Variants in SIPA1L2 observed in about 807,000 individuals in gnomAD.
SIPA1L2 encodes signal induced proliferation associated 1 like 2, also known as signal-induced proliferation-associated 1-like protein 2.
A neutral mutation model predicts 163.9 loss-of-function variants in SIPA1L2; 56 were observed. That is an observed-to-expected ratio of 0.34 (90% CI 0.28 to 0.43). SIPA1L2 has a LOEUF of 0.43. SIPA1L2 is among the 20% of genes least tolerant of loss of function. The pLI, the probability that SIPA1L2 is intolerant of heterozygous loss-of-function variation, is 1.00. For synonymous variants in SIPA1L2, 877 were observed against 865.7 expected (o/e 1.01, Z -0.23); for missense variants, 1,974 against 2,193.5 (o/e 0.90, Z 2.00).
Position 232,514,527 on chromosome 1 carries a change from C to A in SIPA1L2, c.813G>T (p.Gly271=). Residue 271 remains glycine, a synonymous_variant, in exon 3 of 23, where the codon GGG becomes GGT. Transcript: ENST00000674635. The part of the protein sequence containing the change: ...LDYVDSALLM[G]RDRDKPFKRR... ...GTTTGAAAGGCTTGTCCCTGTCTCT[C>A]CCCATCAGGAGGGCACTGTCCACAT... The A allele has an allele frequency of 6.2e-7, 1 of 1,614,170 alleles. No individual in the cohort carries two copies. Among genetic ancestry groups the A allele is most frequent in the African/African-American group, 1.3e-5 (1 of 75,046 alleles).
At chr1:232,455,326 T>G (rs1279781739) in intron 10 of SIPA1L2, among the ~76,000 whole-genome samples, 1 of 152,204 alleles carries the variant, frequency 6.6e-6, no homozygotes, top group African/African-American at 2.4e-5. Context: ...ATATGTTCAC[T>G]GCAGCACTAT....
Position 232,404,365 on chromosome 1 carries a change from T to C in SIPA1L2, c.4763-187A>G, listed in dbSNP as rs533588975. On this transcript the variant is annotated intron_variant, in intron 19 of 22. Transcript: ENST00000674635. ...ACACATTTCATGTTTTCACTGTTGGTTGGAAGCGGGGCTGTAGGGTACAAC... is the reference window on the plus strand; with the variant it reads ...ACACATTTCATGTTTTCACTGTTGGCTGGAAGCGGGGCTGTAGGGTACAAC... Among the ~76,000 whole-genome samples, 9 of 152,126 alleles carry C rather than the reference T, an allele frequency of 5.9e-5. No homozygotes were observed. The South Asian group carries it at 1.9e-3, about 32-fold the overall frequency.
At chr1:232,621,814 C>T (rs79768149) in intron 1 of SIPA1L2, among the ~76,000 whole-genome samples, 5,122 of 152,036 alleles carry the variant, frequency 0.034, 112 homozygotes, top group Non-Finnish European at 0.039. Flanking sequence ...ACCGTAACCT[C>T]GAACGCCTGG....
intron 9 of SIPA1L2, among the ~76,000 whole-genome samples, chr1:232,462,998 G>A (rs768639607): frequency 3.3e-5 from 5 of 152,170 alleles, no homozygotes; most frequent in Non-Finnish European, 7.3e-5. Flanking sequence ...ATTATCACAC[G>A]AAAATTGTAG....
At chr1:232,573,533 G>A (rs540916896) in intron 2 of SIPA1L2, among the ~76,000 whole-genome samples, 5 of 152,334 alleles carry the variant, frequency 3.3e-5, no homozygotes, top group Admixed American at 2.0e-4. Flanking sequence ...GAGGACAAAT[G>A]TCCTGGGGGT....
intron 19 of SIPA1L2, among the ~76,000 whole-genome samples, chr1:232,405,237 C>G (rs1221205661): frequency 6.6e-6 from 1 of 152,250 alleles, no homozygotes; most frequent in Admixed American, 6.5e-5. Flanking sequence ...CACCCAGCTA[C>G]TGATTGCATT....
At chr1:232,410,402 C>CT (rs1660880360) in intron 19 of SIPA1L2, among the ~76,000 whole-genome samples, 1 of 152,060 alleles carries the variant, frequency 6.6e-6, no homozygotes, top group African/African-American at 2.4e-5. Context: ...AATGAATAAT[C>CT]TTTTCAATTT....
At chr1:232,500,056 C>T (rs1396506662) in intron 3 of SIPA1L2, among the ~76,000 whole-genome samples, 25 of 152,134 alleles carry the variant, frequency 1.6e-4, no homozygotes, top group Admixed American at 1.6e-3. Flanking sequence ...TGGCTCACTG[C>T]AAACTCCACC....
chr1:232,452,815 G>A (rs1055794216), intron 10 of SIPA1L2, among the ~76,000 whole-genome samples: 2 of 152,186 alleles, frequency 1.3e-5, no homozygotes, highest in Non-Finnish European at 2.9e-5. Flanking sequence ...GCTTAGAAAT[G>A]TGACAACCTC....
intron 2 of SIPA1L2, among the ~76,000 whole-genome samples, chr1:232,536,270 C>T (rs1657300065): frequency 6.6e-6 from 1 of 152,182 alleles, no homozygotes; most frequent in Non-Finnish European, 1.5e-5. Context: ...GGCAATGCAG[C>T]CTCATCTCAG....
At chr1:232,519,051 A>G (rs1363583428) in intron 2 of SIPA1L2, among the ~76,000 whole-genome samples, 1 of 152,122 alleles carries the variant, frequency 6.6e-6, no homozygotes, top group African/African-American at 2.4e-5. Context: ...GGTTGTTAAC[A>G]CTTTGCAGGA....
intron 10 of SIPA1L2, among the ~76,000 whole-genome samples, chr1:232,446,335 C>T (rs1174599585): frequency 6.6e-6 from 1 of 152,162 alleles, no homozygotes; most frequent in Non-Finnish European, 1.5e-5. Context: ...GGCCTCTGGT[C>T]CTCACATCCA....
chr1:232,446,984 CTT>C (rs1264570436), intron 10 of SIPA1L2, among the ~76,000 whole-genome samples: 1 of 152,188 alleles, frequency 6.6e-6, no homozygotes, highest in East Asian at 1.9e-4. Context: ...TTTAGAATAA[CTT>C]GGGTATATGA....
At chr1:232,565,981 A>T (rs1659380604) in intron 2 of SIPA1L2, among the ~76,000 whole-genome samples, 1 of 152,204 alleles carries the variant, frequency 6.6e-6, no homozygotes, top group Admixed American at 6.5e-5. Context: ...ACATTATAAT[A>T]ATTATTGACT....
chr1:232,557,850 T>C (rs1658802955), intron 2 of SIPA1L2, among the ~76,000 whole-genome samples: 1 of 152,216 alleles, frequency 6.6e-6, no homozygotes, highest in Non-Finnish European at 1.5e-5. Flanking sequence ...CGGCATGTGC[T>C]GAGAAGTGTC....
At chr1:232,425,895 A>G (rs1374610136) in intron 17 of SIPA1L2, 87 bp from the exon 18 acceptor site, 3 of 1,187,274 alleles carry the variant, frequency 2.5e-6, no homozygotes, top group East Asian at 2.5e-5. Context: ...GTGGTTTCAC[A>G]TACTATTGTG....
At chr1:232,569,842 C>T (rs998429925) in intron 2 of SIPA1L2, among the ~76,000 whole-genome samples, 2 of 152,074 alleles carry the variant, frequency 1.3e-5, no homozygotes, top group South Asian at 4.2e-4. Flanking sequence ...AGATAAATTA[C>T]GGATCCTCTA....
chr1:232,489,552 T>A (rs1665823749), intron 5 of SIPA1L2, among the ~76,000 whole-genome samples: 1 of 152,150 alleles, frequency 6.6e-6, no homozygotes, highest in African/African-American at 2.4e-5. Context: ...AGATTATTCA[T>A]TCTGAGTGTT....
chr1:232,501,743 CA>C (rs755700693), intron 3 of SIPA1L2, among the ~76,000 whole-genome samples: 3 of 152,192 alleles, frequency 2.0e-5, no homozygotes, highest in Non-Finnish European at 4.4e-5. Context: ...GCCCTGTTTT[CA>C]CTCCCCTAAG....
Sources: gnomAD v4.1 joint callset for allele counts (sites outside exome capture counted in the v4.1 genomes callset) on GRCh38, gnomAD v4.1.1 for gene constraint, MANE v1.5 for transcripts, NCBI Gene and HGNC (gene_info 2026-07-23, HGNC 2026-07-21) for gene names.